OGT: variants seen among roughly 807,000 people sequenced by gnomAD.
OGT encodes the protein O-linked N-acetylglucosamine (GlcNAc) transferase.
Under a neutral mutation model 75.8 loss-of-function variants are expected in OGT, and 3 were observed. The ratio of observed to expected loss-of-function variants is 0.04; its 90% CI spans 0.02 to 0.10. OGT has a LOEUF of 0.10. OGT is among the 10% of genes least tolerant of loss of function. The probability of loss-of-function intolerance (pLI) is 1.00; values close to 1 mark genes in which losing one functional copy is unlikely to be tolerated. For synonymous variants in OGT, 257 were observed against 289.7 expected, an observed-to-expected ratio of 0.89 and a Z score of 1.15; for missense variants, 260 against 824.4, an observed-to-expected ratio of 0.32 and a Z score of 8.38.
rs1156847117 is a variant in OGT at position 71,555,287 on chromosome X, G to A, written c.826G>A (p.Asp276Asn). 5 of 1,207,532 alleles carry A rather than the reference G, an allele frequency of 4.1e-6. No individual in the cohort carries two copies. Residue 276 changes from aspartate to asparagine, a missense_variant, in exon 7 of 22, where the codon GAT becomes AAT. Around this residue, in one of 6 missense-constraint regions of OGT, gnomAD observed 99 missense variants for 417.9 expected, o/e 0.24. Transcript: ENST00000373719. ...ACVYYEQGLI[D>N]LAIDTYRRAI... ...TGTATACTATGAGCAAGGCCTGATA[G>A]ATCTGGCAATAGACACCTACAGGCG...
chrX:71,563,250 A>G lies in OGT; in HGVS notation c.2265+4A>G, dbSNP rs1290177839. On this transcript the variant is annotated splice_donor_region_variant and intron_variant, in intron 17 of 21. Transcript: ENST00000373719. ...ACCAGATGTGAAAATTGTCAAGGTC[A>G]GAACCTAGTCAGTATTGTCATTGAA... The G allele has an allele frequency of 1.0e-5, 12 of 1,198,667 alleles. No homozygotes were observed. Among genetic ancestry groups the G allele is most frequent in the Admixed American group, 2.2e-5 (1 of 45,637 alleles).
At position 71,555,247 on chromosome X, in the gene OGT, C is replaced by T. The variant is rs2040335258; in HGVS notation, c.786C>T (p.His262=). Reference sequence around the variant, plus strand: ...TGAGTCCAAATCACGCAGTGGTGCACGGCAACCTGGCTTGTGTATACTATG... The same window carrying T: ...TGAGTCCAAATCACGCAGTGGTGCATGGCAACCTGGCTTGTGTATACTATG... ...LSLSPNHAVV[H]GNLACVYYEQ... Residue 262 remains histidine, a synonymous_variant, in exon 7 of 22, where the codon CAC becomes CAT. Transcript: ENST00000373719. 2 of 1,209,181 alleles carry T rather than the reference C, an allele frequency of 1.7e-6. No individual in the cohort carries two copies. Among genetic ancestry groups the T allele is most frequent in the Non-Finnish European group, 2.2e-6 (2 of 894,804 alleles).
At chrX:71,546,494 C>T (rs2040259755) in intron 4 of OGT, 2 of 752,316 alleles carry the variant, frequency 2.7e-6, no homozygotes, top group Admixed American at 8.8e-5. Flanking sequence ...AATATGGTAA[C>T]GGGTTTGTAA....
rs371068467 is a variant in OGT, at chrX:71,563,022, G to A, written c.2148+5G>A. ...AATATGTTCCCTCACCTGAAGGTAG[G>A]TATGAAACAGTGCTATGGACGAATT... is the stretch of plus-strand genomic sequence containing the variant. On this transcript the variant is annotated splice_donor_5th_base_variant and intron_variant, in intron 16 of 21. Transcript: ENST00000373719. The A allele has an allele frequency of 8.3e-7, 1 of 1,203,298 alleles. No homozygotes were observed. Among genetic ancestry groups the A allele is most frequent in the South Asian group, 1.8e-5 (1 of 56,570 alleles).
At chrX:71,551,873 C>A (rs186247804) in intron 5 of OGT, among the ~76,000 whole-genome samples, 38 of 111,105 alleles carry the variant, frequency 3.4e-4, no homozygotes, top group African/African-American at 1.2e-3. Flanking sequence ...GGGAAGCTGA[C>A]CTTCTTACTT....
intron 11 of OGT, 97 bp from the exon 12 acceptor site, chrX:71,557,396 A>G: frequency 2.8e-6 from 3 of 1,060,757 alleles, no homozygotes; most frequent in Non-Finnish European, 3.9e-6. Context: ...TAGTATTTTT[A>G]ATAGGCTATC....
At chrX:71,548,373 G>T (rs934747065) in intron 5 of OGT, among the ~76,000 whole-genome samples, 1 of 111,245 alleles carries the variant, frequency 9.0e-6, no homozygotes, top group African/African-American at 3.3e-5. Context: ...GGAGTTTGAG[G>T]CTGCAGTGAG....
chrX:71,541,281 A>G (rs2040216896), intron 3 of OGT, among the ~76,000 whole-genome samples: 1 of 111,806 alleles, frequency 8.9e-6, no homozygotes, highest in South Asian at 3.7e-4. Context: ...AGCCTCTCTT[A>G]TACAGCTGCA....
intron 2 of OGT, chrX:71,536,690 A>G: frequency 5.7e-6 from 1 of 174,339 alleles, no homozygotes; most frequent in Non-Finnish European, 1.1e-5. Context: ...TGTCAGTTTG[A>G]GGGACTGAAA....
chrX:71,564,802 C>T (rs757204437), intron 19 of OGT, 49 bp downstream of exon 19: 3 of 988,687 alleles, frequency 3.0e-6, no homozygotes, highest in African/African-American at 3.9e-5. Flanking sequence ...GTATCTAGAG[C>T]TTCTTGCTGA....
chrX:71,571,067 G>A (rs1389609027), intron 21 of OGT, among the ~76,000 whole-genome samples: 4 of 109,349 alleles, frequency 3.7e-5, no homozygotes, highest in Non-Finnish European at 7.6e-5. Context: ...TCCCAAAGTG[G>A]CGGGATTACA....
rs577718195 is a variant in OGT, at chrX:71,536,367, T to C, written c.218+9T>C. 11 of 1,129,470 alleles carry C rather than the reference T, an allele frequency of 9.7e-6. No homozygotes were observed. Among genetic ancestry groups the C allele is most frequent in the Middle Eastern group, 2.6e-4 (1 of 3,852 alleles). The allele number at this position is 1,129,470 out of a possible 1,213,427, so 93.1% of individuals were successfully genotyped here. On this transcript the variant is annotated intron_variant, in intron 2 of 21. Transcript: ENST00000373719. ...TGTCGAAGGCTGGACAGGTAGGAGA[T>C]GTTGGGGTACCTGCTCGTGATTGCT...
chrX:71,570,241 A>G (rs1300782821), intron 21 of OGT, among the ~76,000 whole-genome samples: 5 of 105,703 alleles, frequency 4.7e-5, no homozygotes, highest in African/African-American at 1.7e-4. Flanking sequence ...GGATTTCACT[A>G]TGCTGGCCAG....
In OGT at chrX:71,554,977, C is replaced by T. The variant is rs1035202846; in HGVS notation, c.729-213C>T. 1.1e-4 allele frequency among the ~76,000 whole-genome samples: 12 copies of T among 111,532 alleles called. 1 individual carries two copies. The highest frequency in any genetic ancestry group is 7.4e-4 in the South Asian group (2 of 2,705). ...TTTTATGTGGGAGTAGAAAACTTCC[C>T]AGTGTAAAGACACATTTTATAAAGG... On this transcript the variant is annotated intron_variant, in intron 6 of 21. Coordinates refer to ENST00000373719, the MANE Select transcript of OGT (RefSeq NM_181672.3).
At chrX:71,547,662 A>C in intron 4 of OGT, 1 of 1,023,035 alleles carries the variant, frequency 9.8e-7, no homozygotes, top group Non-Finnish European at 1.2e-6. Context: ...GGTTGGCAGA[A>C]CTGAACATGG....
intron 1 of OGT, among the ~76,000 whole-genome samples, chrX:71,534,575 T>G (rs2040161693): frequency 9.0e-6 from 1 of 111,049 alleles, no homozygotes; most frequent in South Asian, 3.8e-4. Flanking sequence ...AAGTAGTAGG[T>G]GAATCGTCAA....
At chrX:71,552,071 G>A (rs986785388) in intron 5 of OGT, among the ~76,000 whole-genome samples, 5 of 108,293 alleles carry the variant, frequency 4.6e-5, no homozygotes, top group Non-Finnish European at 9.6e-5. Context: ...AAAAAAAACA[G>A]CTGGGTGCGG....
rs1227855992 is a variant in OGT at position 71,568,345 on chromosome X, G to A, written c.2966+229G>A. ...TTCAAGAAAATTAAAAAGCAAACGA[G>A]GGGAAAAAATCTTTTGTCTCAGATA... is the stretch of plus-strand genomic sequence containing the variant. On this transcript the variant is annotated intron_variant, in intron 21 of 21. Coordinates refer to ENST00000373719, the MANE Select transcript of OGT (RefSeq NM_181672.3). Among the ~76,000 whole-genome samples the A allele has an allele frequency of 2.7e-5, 3 of 112,000 alleles. No individual in the cohort carries two copies. In the Admixed American group the frequency reaches 2.8e-4, roughly 11 times the overall value.
At chrX:71,554,782 T>A (rs2040331098) in intron 6 of OGT, among the ~76,000 whole-genome samples, 190 bp downstream of exon 6, 1 of 112,493 alleles carries the variant, frequency 8.9e-6, no homozygotes, top group South Asian at 3.6e-4. Flanking sequence ...TGTTGTTGGC[T>A]TTCCTCAAAG....
Sources: allele counts gnomAD v4.1 joint callset (sites outside exome capture counted in the v4.1 genomes callset), GRCh38; gene constraint gnomAD v4.1.1; regional missense constraint gnomAD v4.1.1; transcripts MANE v1.5; gene names NCBI Gene and HGNC (gene_info 2026-07-23, HGNC 2026-07-21).